TNIK: variants seen among roughly 807,000 people sequenced by gnomAD.
TNIK encodes the protein TRAF2 and NCK-interacting protein kinase.
Under a neutral mutation model 191.3 loss-of-function variants are expected in TNIK, and 49 were observed. The ratio of observed to expected loss-of-function variants is 0.26; its 90% CI spans 0.20 to 0.32. The LOEUF is 0.32. Ranked by LOEUF, TNIK falls within the 10% of genes least tolerant of loss-of-function variation. The pLI is 1.00. For synonymous variants in TNIK, 594 were observed against 600.9 expected, an observed-to-expected ratio of 0.99 and a Z score of 0.17; for missense variants, 1,155 against 1,702.3, an observed-to-expected ratio of 0.68 and a Z score of 5.66.
chr3:171,140,436 C>A lies in TNIK; in HGVS notation c.1295G>T (p.Arg432Leu). ...EQRRHYEEQM[R>L]REEERRRAEH... ...CGCACGCCTCCTCTCCTCCTCCCGG[C>A]GCATCTGCTCCTCATAGTGCCGGCG... Residue 432 changes from arginine to leucine, a missense_variant, in exon 13 of 33, where the codon CGC (arginine) becomes CTC (leucine). Physicochemically the swap from Arg to Leu is moderately radical, Grantham distance 102 (BLOSUM62 -2). This residue lies in a region of TNIK where 735 missense variants were observed against 848.0 expected (regional missense o/e 0.87). Transcript: ENST00000436636. 1 of 1,608,956 alleles carries A rather than the reference C, an allele frequency of 6.2e-7. No individual in the cohort carries two copies. The highest frequency in any genetic ancestry group is 8.5e-7 in the Non-Finnish European group (1 of 1,177,620).
intron 2 of TNIK, among the ~76,000 whole-genome samples, chr3:171,243,426 A>AT (rs1392624161): frequency 3.0e-5 from 4 of 132,026 alleles, no homozygotes; most frequent in Non-Finnish European, 6.5e-5. Context: ...TTTATAGTAA[A>AT]TTAAAAAAAA....
chr3:171,272,681 A>ATT (rs60321799), intron 2 of TNIK, among the ~76,000 whole-genome samples: 1 of 151,754 alleles, frequency 6.6e-6, no homozygotes, highest in African/African-American at 2.4e-5. Flanking sequence ...CCAGAATTTG[A>ATT]TTTTTTTTAT....
chr3:171,315,762 A>T (rs1312105974), intron 2 of TNIK, among the ~76,000 whole-genome samples: 2 of 152,084 alleles, frequency 1.3e-5, no homozygotes, highest in Non-Finnish European at 2.9e-5. Context: ...TTCACGTGGC[A>T]TTCCCCACTG....
At chr3:171,092,466 C>T (rs953469556) in intron 23 of TNIK, among the ~76,000 whole-genome samples, 1 of 152,208 alleles carries the variant, frequency 6.6e-6, no homozygotes, top group African/African-American at 2.4e-5. Context: ...CACTCCAGAA[C>T]GTTCTCCCTC....
Position 171,228,238 on chromosome 3 carries a change from A to G in TNIK, c.124-17T>C, listed in dbSNP as rs993410329. 11 of 1,613,260 alleles carry G rather than the reference A, an allele frequency of 6.8e-6. No homozygotes were observed. The highest frequency in any genetic ancestry group is 1.1e-5 in the South Asian group (1 of 91,080). On this transcript the variant is annotated splice_polypyrimidine_tract_variant and intron_variant, in intron 2 of 32. Coordinates refer to ENST00000436636, the MANE Select transcript of TNIK (RefSeq NM_015028.4). ...ATGACGACCCTGTGAAGAAAAAATA[A>G]TAACAAAAGATTTAGTTCTGATGAT...
chr3:171,132,464 C>T (rs890293478), intron 15 of TNIK, among the ~76,000 whole-genome samples: 1 of 152,028 alleles, frequency 6.6e-6, no homozygotes, highest in African/African-American at 2.4e-5. Flanking sequence ...TATCCACTGC[C>T]TAGGATAGGA....
Position 171,061,766 on chromosome 3 carries a change from T to G in TNIK, c.*2115A>C, listed in dbSNP as rs1717855746. ...CCACATCAGCATCCAATTACAGTAGTTGTTAAATTCAATCCAAAAAGTTAT... is the reference window on the plus strand; with the variant it reads ...CCACATCAGCATCCAATTACAGTAGGTGTTAAATTCAATCCAAAAAGTTAT... On this transcript the variant is annotated 3_prime_UTR_variant, in exon 33 of 33. Transcript: ENST00000436636. The G allele has an allele frequency of 6.6e-6, 1 of 152,198 alleles. No individual in the cohort carries two copies. The highest frequency in any genetic ancestry group is 2.4e-5 in the African/African-American group (1 of 41,448). The allele number at this position is 152,198 out of a possible 1,614,324, so 9.4% of individuals were successfully genotyped here.
At chr3:171,303,618 G>T (rs770054193) in intron 2 of TNIK, among the ~76,000 whole-genome samples, 26 of 152,086 alleles carry the variant, frequency 1.7e-4, no homozygotes, top group Non-Finnish European at 2.9e-4. Flanking sequence ...AGAATTTGGG[G>T]CATTTTATGG....
At chr3:171,195,100 T>G (rs983366135) in intron 4 of TNIK, among the ~76,000 whole-genome samples, 1 of 152,208 alleles carries the variant, frequency 6.6e-6, no homozygotes, top group African/African-American at 2.4e-5. Context: ...GTGTGGGAAC[T>G]ATCTGTTTTT....
intron 2 of TNIK, 98 bp from the exon 3 acceptor site, chr3:171,228,319 C>G (rs1743194956): frequency 8.1e-7 from 1 of 1,227,598 alleles, no homozygotes; most frequent in Non-Finnish European, 1.2e-6. Context: ...CAGTGCTGTA[C>G]TATGTCAATG....
intron 12 of TNIK, among the ~76,000 whole-genome samples, chr3:171,145,027 T>C (rs1260785486): frequency 6.6e-6 from 1 of 152,154 alleles, no homozygotes; most frequent in Non-Finnish European, 1.5e-5. Flanking sequence ...CTTGGGTTCA[T>C]TCCATATCTG....
chr3:171,289,425 ACTG>A (rs1429150614), intron 2 of TNIK, among the ~76,000 whole-genome samples: 1 of 152,212 alleles, frequency 6.6e-6, no homozygotes, highest in African/African-American at 2.4e-5. Flanking sequence ...AAATGTCACT[ACTG>A]ATCTGATATC....
chr3:171,375,770 A>T (rs1301123338), intron 1 of TNIK, among the ~76,000 whole-genome samples: 1 of 152,232 alleles, frequency 6.6e-6, no homozygotes, highest in Non-Finnish European at 1.5e-5. Flanking sequence ...TTCACATCAT[A>T]AAAGATGATA....
intron 28 of TNIK, among the ~76,000 whole-genome samples, chr3:171,077,564 T>G (rs1720129108): frequency 6.6e-6 from 1 of 152,162 alleles, no homozygotes; most frequent in Admixed American, 6.5e-5. Flanking sequence ...GCCTTCAGAC[T>G]TGGACTGAAG....
chr3:171,364,762 C>T (rs1715457647), intron 2 of TNIK, among the ~76,000 whole-genome samples: 1 of 152,032 alleles, frequency 6.6e-6, no homozygotes, highest in African/African-American at 2.4e-5. Flanking sequence ...GTAATAGACA[C>T]AGGGATGAAA....
At chr3:171,076,374 C>G (rs1245228671) in intron 28 of TNIK, among the ~76,000 whole-genome samples, 1 of 152,098 alleles carries the variant, frequency 6.6e-6, no homozygotes, top group African/African-American at 2.4e-5. Context: ...ATAGCATGCC[C>G]CTTCTGTTTC....
chr3:171,172,786 C>T (rs1190365775), intron 9 of TNIK, among the ~76,000 whole-genome samples: 2 of 152,194 alleles, frequency 1.3e-5, no homozygotes, highest in East Asian at 3.8e-4. Context: ...TTTCCTTACA[C>T]ATCAGGGAAA....
rs1018134723 is a variant in TNIK at position 171,313,095 on chromosome 3, A to G, written c.123+56525T>C. Among the ~76,000 whole-genome samples the G allele has an allele frequency of 9.2e-5, 14 of 152,252 alleles. No individual in the cohort carries two copies. In the East Asian group the frequency reaches 1.9e-3, roughly 21 times the overall value. Reference sequence around the variant, plus strand: ...TTTTGAAAACGAAGGAAGAATGCAAATGTGTAGAAACTACTGAAGAGATTT... The same window carrying G: ...TTTTGAAAACGAAGGAAGAATGCAAGTGTGTAGAAACTACTGAAGAGATTT... On this transcript the variant is annotated intron_variant, in intron 2 of 32. Transcript: ENST00000436636.
At chr3:171,105,349 TATCCACA>T (rs1217169054) in intron 21 of TNIK, among the ~76,000 whole-genome samples, 1 of 152,214 alleles carries the variant, frequency 6.6e-6, no homozygotes, top group Non-Finnish European at 1.5e-5. Flanking sequence ...CCCTCTGCTC[TATCCACA>T]AGATGCCAGT....
Sources: allele counts gnomAD v4.1 joint callset (sites outside exome capture counted in the v4.1 genomes callset), GRCh38; gene constraint gnomAD v4.1.1; regional missense constraint gnomAD v4.1.1; transcripts MANE v1.5; gene names NCBI Gene and HGNC (gene_info 2026-07-23, HGNC 2026-07-21).